The following MIOS variants were observed in gnomAD, a reference collection of about 807,000 sequenced individuals.
MIOS encodes the protein GATOR2 complex protein MIOS.
Under a neutral mutation model 96.9 loss-of-function variants are expected in MIOS, and 52 were observed. The observed-to-expected ratio is 0.54, with a 90% CI of 0.43 to 0.68. The LOEUF (loss-of-function observed/expected upper bound fraction) is 0.68. Among genes scored for constraint, MIOS ranks in the 30% least tolerant of loss-of-function variants. The pLI is 0.00. For synonymous variants in MIOS, 397 were observed against 359.5 expected, an observed-to-expected ratio of 1.10 and a Z score of -1.18; for missense variants, 1,005 against 1,052.8, an observed-to-expected ratio of 0.95 and a Z score of 0.63.
In MIOS at chr7:7,585,741, A is replaced by G. The variant is rs1783868378; in HGVS notation, c.1754A>G (p.Asn585Ser). 2 of 1,612,312 alleles carry G rather than the reference A, an allele frequency of 1.2e-6. No homozygotes were observed. Among genetic ancestry groups the G allele is most frequent in the African/African-American group, 1.3e-5 (1 of 74,754 alleles). ...AGCACACTGCGATTACAGCTAAATA[A>G]CCCGTATTTGTGTGTCATGTTTGCA... is the stretch of plus-strand genomic sequence containing the variant. ...MCSTLRLQLN[N>S]PYLCVMFAFL... Residue 585 changes from asparagine to serine, a missense_variant, in exon 7 of 13, where the codon AAC (asparagine) becomes AGC (serine). Transcript: ENST00000340080.
chr7:7,574,186 G>C lies in MIOS; in HGVS notation c.1383G>C (p.Lys461Asn). ...LVYAGIKSIV[K>N]SSLGMVESSR... ...ATGCAGGAATTAAATCAATTGTAAAGTCATCGTTGGGTAAGAAAATTCTAT... is the reference window on the plus strand; with the variant it reads ...ATGCAGGAATTAAATCAATTGTAAACTCATCGTTGGGTAAGAAAATTCTAT... The change falls in exon 5 of 13, where the codon AAG (lysine) becomes AAC (asparagine). Residue 461 changes from lysine to asparagine, a missense_variant. By Grantham distance (94) the Lys-to-Asn change is moderately conservative. Around this residue, in one of 3 missense-constraint regions of MIOS, gnomAD observed 865 missense variants for 887.9 expected, o/e 0.97. Coordinates refer to ENST00000340080, the MANE Select transcript of MIOS (RefSeq NM_019005.4). 2.7e-5 allele frequency: 43 copies of C among 1,602,218 alleles called. No individual in the cohort carries two copies. The highest frequency in any genetic ancestry group is 3.6e-5 in the Non-Finnish European group (42 of 1,173,846).
intron 5 of MIOS, 156 bp from the exon 6 acceptor site, chr7:7,582,962 T>C (rs1292395188): frequency 3.6e-6 from 3 of 844,994 alleles, no homozygotes; most frequent in Non-Finnish European, 3.5e-6. Flanking sequence ...ATGCAAAATA[T>C]GTTGTATTTG....
rs1231091032 is a variant in MIOS at position 7,572,586 on chromosome 7, A to T, written c.111A>T (p.Glu37Asp). 3.1e-6 allele frequency: 5 copies of T among 1,613,882 alleles called. No homozygotes were observed. Among genetic ancestry groups the T allele is most frequent in the Non-Finnish European group, 4.2e-6 (5 of 1,179,954 alleles). Residue 37 changes from glutamate to aspartate, a missense_variant, in exon 4 of 13, where the codon GAA becomes GAT. Glu to Asp is a conservative substitution (Grantham distance 45). Around this residue, in one of 3 missense-constraint regions of MIOS, gnomAD observed 137 missense variants for 148.6 expected, o/e 0.92. Transcript: ENST00000340080. The surrounding 1 kb of genome is among the most constrained non-coding windows in gnomAD (Gnocchi z 4.8). ...LYHVESTVNS[E>D]LKAGSLRLSE... The stretch of plus-strand genomic sequence containing the variant: ...ATGTGGAATCTACTGTGAATTCAGA[A>T]CTCAAAGCTGGATCTTTACGTTTAT...
At chr7:7,596,579 T>C (rs1445300434) in intron 11 of MIOS, 118 bp downstream of exon 11, 2 of 996,096 alleles carry the variant, frequency 2.0e-6, no homozygotes, top group Non-Finnish European at 3.0e-6. Context: ...AAGGGCAGTT[T>C]ACTAGCTTGA....
rs766156843 is a variant in MIOS, at chr7:7,572,582, C to G, written c.107C>G (p.Ser36Ter). Residue 36 changes from serine to a stop codon, truncating the protein, a stop_gained, in exon 4 of 13, where the codon TCA becomes TGA. Coordinates refer to ENST00000340080, the MANE Select transcript of MIOS (RefSeq NM_019005.4). LOFTEE classifies it high-confidence loss of function. This position sits in a 1 kb window ranked among gnomAD's most constrained non-coding sequence, Gnocchi z 4.8. Reference protein sequence around the residue: ...SLYHVESTVNSELKAGSLRLS... With the variant: ...SLYHVESTVN Reference sequence around the variant, plus strand: ...TATCATGTGGAATCTACTGTGAATTCAGAACTCAAAGCTGGATCTTTACGT... The same window carrying G: ...TATCATGTGGAATCTACTGTGAATTGAGAACTCAAAGCTGGATCTTTACGT... 1.2e-6 allele frequency: 2 copies of G among 1,614,062 alleles called. No individual in the cohort carries two copies. Among genetic ancestry groups the G allele is most frequent in the South Asian group, 2.2e-5 (2 of 91,082 alleles).
At chr7:7,567,355 C>T (rs1248217684) in intron 1 of MIOS, 4 of 152,552 alleles carry the variant, frequency 2.6e-5, no homozygotes, top group Admixed American at 6.5e-5. Flanking sequence ...CCAGCCTTTC[C>T]CGGGAGGCTC....
intron 11 of MIOS, among the ~76,000 whole-genome samples, chr7:7,597,518 G>GAAAA (rs1784251334): frequency 6.4e-5 from 1 of 15,640 alleles, no homozygotes; most frequent in Non-Finnish European, 1.4e-4. Flanking sequence ...ATATATATAT[G>GAAAA]AAGGCAATAC....
chr7:7,577,160 C>T (rs984837613), intron 5 of MIOS, among the ~76,000 whole-genome samples: 6 of 152,014 alleles, frequency 3.9e-5, no homozygotes, highest in Admixed American at 6.6e-5. Flanking sequence ...GGCAGATTGT[C>T]GAGAGATGTA....
chr7:7,572,557 T>C lies in MIOS; in HGVS notation c.82T>C (p.Tyr28His). 4 of 1,614,130 alleles carry C rather than the reference T, an allele frequency of 2.5e-6. No homozygotes were observed. The highest frequency in any genetic ancestry group is 3.4e-6 in the Non-Finnish European group (4 of 1,179,986). Reference protein sequence around the residue: ...FVVCDSELSLYHVESTVNSEL... With the variant: ...FVVCDSELSLHHVESTVNSEL... ...TGTGTGTGACTCAGAACTAAGTCTT[T>C]ATCATGTGGAATCTACTGTGAATTC... The change falls in exon 4 of 13, where the codon TAT (tyrosine) becomes CAT (histidine). Residue 28 changes from tyrosine (Y) to histidine (H), a missense_variant. Physicochemically the swap from Tyr to His is moderately conservative, Grantham distance 83. Coordinates refer to ENST00000340080, the MANE Select transcript of MIOS (RefSeq NM_019005.4). This position sits in a 1 kb window ranked among gnomAD's most constrained non-coding sequence, Gnocchi z 4.8.
chr7:7,588,686 G>T (rs1039580090), intron 8 of MIOS, 123 bp downstream of exon 8: 9 of 507,376 alleles, frequency 1.8e-5, no homozygotes, highest in African/African-American at 1.6e-4. Context: ...AAAAAGTATG[G>T]TAAGAATTTA....
At chr7:7,603,435 T>C (rs1271527244) in intron 11 of MIOS, among the ~76,000 whole-genome samples, 4 of 152,168 alleles carry the variant, frequency 2.6e-5, no homozygotes. Flanking sequence ...AGAAGACATT[T>C]ATGCAGCCAA....
In MIOS at chr7:7,569,339, C is replaced by A. The variant is rs150220958; in HGVS notation, c.-41+1216C>A. Among the ~76,000 whole-genome samples, 1,326 of 152,300 alleles carry A rather than the reference C, an allele frequency of 8.7e-3. 12 individuals carry two copies. Among genetic ancestry groups the A allele is most frequent in the South Asian group, 0.042 (203 of 4,822 alleles). On this transcript the variant is annotated intron_variant, in intron 3 of 12. Transcript: ENST00000340080. ...TTTTTTAGACCAGAGACTTCATCGGCTCATGTTTGCTGCTGTGTTCCCAGC... is the reference window on the plus strand; with the variant it reads ...TTTTTTAGACCAGAGACTTCATCGGATCATGTTTGCTGCTGTGTTCCCAGC...
At chr7:7,578,072 T>G (rs1417232098) in intron 5 of MIOS, among the ~76,000 whole-genome samples, 3 of 152,124 alleles carry the variant, frequency 2.0e-5, no homozygotes, top group African/African-American at 7.2e-5. Context: ...TATGTGGTTG[T>G]GGTTAGAAAG....
At position 7,600,122 on chromosome 7, in the gene MIOS, A is replaced by G. The variant is rs542239206; in HGVS notation, c.2401+3661A>G. Reference sequence around the variant, plus strand: ...TACACCAAAACCCCCATGACACGCAATTTACCTGTATAACAAACCTGCACA... The same window carrying G: ...TACACCAAAACCCCCATGACACGCAGTTTACCTGTATAACAAACCTGCACA... On this transcript the variant is annotated intron_variant, in intron 11 of 12. Transcript: ENST00000340080. 5.9e-4 allele frequency among the ~76,000 whole-genome samples: 90 copies of G among 152,204 alleles called. 1 individual carries two copies. Among genetic ancestry groups the G allele is most frequent in the African/African-American group, 2.1e-3 (88 of 41,532 alleles).
chr7:7,578,014 A>C (rs1783592487), intron 5 of MIOS, among the ~76,000 whole-genome samples: 1 of 152,212 alleles, frequency 6.6e-6, no homozygotes, highest in Non-Finnish European at 1.5e-5. Context: ...AGTGGTGAAG[A>C]CACTGCGAGG....
At position 7,573,725 on chromosome 7, in the gene MIOS, G is replaced by C; in HGVS notation, c.1250G>C (p.Gly417Ala). ...GTGTGGAGGAACCACATTTTAGCTG[G>C]AAATGAAGATCCACAGCTCAAGTCA... ...EQVWRNHILAGNEDPQLKSLW... is the reference protein window; with the variant it reads ...EQVWRNHILAANEDPQLKSLW... Residue 417 changes from glycine (G) to alanine (A), a missense_variant, in exon 4 of 13, where the codon GGA (glycine) becomes GCA (alanine). Physicochemically the swap from Gly to Ala is moderately conservative, Grantham distance 60. Transcript: ENST00000340080. The surrounding 1 kb of genome is among the most constrained non-coding windows in gnomAD (Gnocchi z 5.0). 1.9e-6 allele frequency: 3 copies of C among 1,611,544 alleles called. No individual in the cohort carries two copies. Among genetic ancestry groups the C allele is most frequent in the Non-Finnish European group, 2.5e-6 (3 of 1,178,650 alleles).
chr7:7,587,859 G>A (rs1235588783), intron 7 of MIOS, among the ~76,000 whole-genome samples: 1 of 152,042 alleles, frequency 6.6e-6, no homozygotes, highest in African/African-American at 2.4e-5. Context: ...AAAATTAATT[G>A]TACCTTCCTA....
At chr7:7,571,607 A>G (rs1029556508) in intron 3 of MIOS, among the ~76,000 whole-genome samples, 1 of 152,240 alleles carries the variant, frequency 6.6e-6, no homozygotes, top group East Asian at 1.9e-4. Context: ...TATTAATGGC[A>G]TAGGTGTTAC....
rs189181218 is a variant in MIOS, at chr7:7,573,979, A to G, written c.1295-119A>G. The G allele has an allele frequency of 5.5e-6, 5 of 912,770 alleles. No individual in the cohort carries two copies. The highest frequency in any genetic ancestry group is 8.1e-6 in the Non-Finnish European group (5 of 616,792). 56.5% of individuals were successfully genotyped at this position (912,770 alleles called of 1,614,324 possible). A position where few individuals can be genotyped will look rare whatever the true frequency, so the allele number is the denominator to read the frequency against. ...GGAGGAAGAAAAGTGTATCTCTGCA[A>G]TAGAGTCGAACCACCTTATTTACAC... On this transcript the variant is annotated intron_variant, in intron 4 of 12. Transcript: ENST00000340080. This position sits in a 1 kb window ranked among gnomAD's most constrained non-coding sequence, Gnocchi z 5.0.
Sources: allele counts gnomAD v4.1 joint callset (sites outside exome capture counted in the v4.1 genomes callset), GRCh38; gene constraint gnomAD v4.1.1; regional missense constraint gnomAD v4.1.1; non-coding constraint Gnocchi (gnomAD v3.1); transcripts MANE v1.5; gene names NCBI Gene and HGNC (gene_info 2026-07-23, HGNC 2026-07-21).